UBXN7: variants seen among roughly 807,000 people sequenced by gnomAD.
UBXN7 encodes the protein UBX domain protein 7, also known as UBX domain-containing protein 7.
A neutral mutation model predicts 58.0 loss-of-function variants in UBXN7; 9 were observed. The observed-to-expected ratio is 0.16, with a 90% CI of 0.09 to 0.27. The LOEUF (loss-of-function observed/expected upper bound fraction) is 0.27. UBXN7 is among the 10% of genes least tolerant of loss of function. The pLI is 1.00. For missense variants in UBXN7, 328 were observed against 599.6 expected, an observed-to-expected ratio of 0.55 and a Z score of 4.73; for synonymous variants, 208 against 205.0, an observed-to-expected ratio of 1.01 and a Z score of -0.12.
intron 8 of UBXN7, among the ~76,000 whole-genome samples, chr3:196,365,989 A>G (rs911003896): frequency 2.6e-5 from 4 of 152,012 alleles, no homozygotes; most frequent in African/African-American, 9.7e-5. Context: ...CAGCATTAAC[A>G]TGTTACCAAA....
At chr3:196,412,087 G>A (rs551526980) in intron 1 of UBXN7, among the ~76,000 whole-genome samples, 1 of 151,678 alleles carries the variant, frequency 6.6e-6, no homozygotes, top group South Asian at 2.1e-4. Context: ...AAATCAGCCA[G>A]GCGTGGTGGC....
intron 1 of UBXN7, among the ~76,000 whole-genome samples, chr3:196,421,601 C>T (rs115090267): frequency 6.6e-6 from 1 of 151,558 alleles, no homozygotes; most frequent in Non-Finnish European, 1.5e-5. Flanking sequence ...GAAACCCCCC[C>T]CCAGTCTCTA....
At chr3:196,369,547 T>G in intron 6 of UBXN7, 36 bp from the exon 7 acceptor site, 1 of 1,533,080 alleles carries the variant, frequency 6.5e-7, no homozygotes, top group Admixed American at 1.8e-5. Context: ...AAAGTCAGCC[T>G]CTAAGAAAAG....
intron 6 of UBXN7, among the ~76,000 whole-genome samples, chr3:196,371,428 A>C (rs1463341082): frequency 6.6e-6 from 1 of 152,152 alleles, no homozygotes; most frequent in Non-Finnish European, 1.5e-5. Context: ...GCTACTGGAA[A>C]AATTTAAATT....
At chr3:196,357,491 T>C (rs780165174) in intron 10 of UBXN7, among the ~76,000 whole-genome samples, 14 of 152,046 alleles carry the variant, frequency 9.2e-5, no homozygotes, top group Non-Finnish European at 1.8e-4. Context: ...AAACAGAGGG[T>C]GTCGGGGCAC....
At chr3:196,401,836 A>AGAAGAGAAGAGAAGAGAAGC (rs1553853064) in intron 3 of UBXN7, among the ~76,000 whole-genome samples, 2 of 149,686 alleles carry the variant, frequency 1.3e-5, no homozygotes, top group African/African-American at 4.9e-5. Flanking sequence ...AGAAGAGAAG[A>AGAAGAGAAGAGAAGAGAAGC]GAAGAGAAGA....
Position 196,350,206 on chromosome 3 carries a change from C to A in UBXN7, c.*6479G>T, listed in dbSNP as rs1008459046. On this transcript the variant is annotated 3_prime_UTR_variant, in exon 11 of 11. Coordinates refer to ENST00000296328, the MANE Select transcript of UBXN7 (RefSeq NM_015562.2). ...TATTAAAGTAGTTCAAATTGGATTG[C>A]CCAACTTTATTTTGAAATCAATAGC... is the stretch of plus-strand genomic sequence containing the variant. 13 of 152,118 alleles carry A rather than the reference C, an allele frequency of 8.5e-5. No homozygotes were observed. Among genetic ancestry groups the A allele is most frequent in the Admixed American group, 8.5e-4 (13 of 15,272 alleles). 9.4% of individuals were successfully genotyped at this position (152,118 alleles called of 1,614,324 possible).
intron 1 of UBXN7, among the ~76,000 whole-genome samples, chr3:196,412,429 A>G (rs542910144): frequency 1.3e-5 from 2 of 152,212 alleles, no homozygotes; most frequent in East Asian, 3.9e-4. Context: ...AAAACAAAAA[A>G]TAACAAGTGT....
intron 5 of UBXN7, among the ~76,000 whole-genome samples, chr3:196,381,316 A>T (rs1729198936): frequency 6.6e-6 from 1 of 152,260 alleles, no homozygotes; most frequent in African/African-American, 2.4e-5. Context: ...GCAGTTCTGC[A>T]GCTTCTGCTG....
Position 196,368,027 on chromosome 3 carries a change from C to T in UBXN7, c.834+1G>A. On this transcript the variant is annotated splice_donor_variant, in intron 8 of 10. Coordinates refer to ENST00000296328, the MANE Select transcript of UBXN7 (RefSeq NM_015562.2). LOFTEE classifies it high-confidence loss of function. The stretch of plus-strand genomic sequence containing the variant: ...CATCACCACCTCCTAATTATACTTA[C>T]TGAACGGGCACATTTTTTGGGGGGA... The T allele has an allele frequency of 6.2e-7, 1 of 1,612,536 alleles. No individual in the cohort carries two copies. The highest frequency in any genetic ancestry group is 8.5e-7 in the Non-Finnish European group (1 of 1,179,492).
At chr3:196,370,710 C>T (rs1459691609) in intron 6 of UBXN7, among the ~76,000 whole-genome samples, 3 of 151,530 alleles carry the variant, frequency 2.0e-5, no homozygotes, top group African/African-American at 7.3e-5. Flanking sequence ...TTTTCTATAA[C>T]TTTTCACAAA....
At chr3:196,400,113 C>G (rs1729912269) in intron 3 of UBXN7, 1 of 151,684 alleles carries the variant, frequency 6.6e-6, no homozygotes. Flanking sequence ...AGGTTGGAAA[C>G]AGAGGTCAAA....
Position 196,348,375 on chromosome 3 carries a change from C to T in UBXN7, c.*8310G>A, listed in dbSNP as rs1440802912. 2.0e-5 allele frequency: 3 copies of T among 152,078 alleles called. No individual in the cohort carries two copies. The highest frequency in any genetic ancestry group is 4.4e-5 in the Non-Finnish European group (3 of 68,036). 9.4% of individuals were successfully genotyped at this position (152,078 alleles called of 1,614,324 possible). A position where few individuals can be genotyped will look rare whatever the true frequency, so the allele number is the denominator to read the frequency against. On this transcript the variant is annotated 3_prime_UTR_variant, in exon 11 of 11. Coordinates refer to ENST00000296328, the MANE Select transcript of UBXN7 (RefSeq NM_015562.2). ...GAGAAAAGGCCCAGAAAACAGAATT[C>T]GATGTGCATTTTAGGGAGCACTTGC...
chr3:196,395,557 G>A (rs1481744247), intron 3 of UBXN7, among the ~76,000 whole-genome samples: 6 of 151,690 alleles, frequency 4.0e-5, no homozygotes, highest in Non-Finnish European at 7.4e-5. Context: ...CCATCCTCCT[G>A]CCTTAGCCTC....
chr3:196,401,823 G>GAGAAAAGAGAAGAGAAGAGA lies in UBXN7; in HGVS notation c.289+1128_289+1129insTCTCTTCTCTTCTCTTTTCT, dbSNP rs145395839. Among the ~76,000 whole-genome samples the GAGAAAAGAGAAGAGAAGAGA allele has an allele frequency of 1.1e-3, 127 of 120,342 alleles. 1 individual carries two copies. Among genetic ancestry groups the GAGAAAAGAGAAGAGAAGAGA allele is most frequent in the African/African-American group, 3.6e-3 (117 of 32,136 alleles). The allele number at this position is 120,342 out of a possible 152,430, so 78.9% of individuals were successfully genotyped here. Reference sequence around the variant, plus strand: ...AGGAAAGAAAGAAAAGAAAAGAGAAGAGAGAAGAGAAGAGAAGAGAAGAGA... The same window carrying GAGAAAAGAGAAGAGAAGAGA: ...AGGAAAGAAAGAAAAGAAAAGAGAAGAGAAAAGAGAAGAGAAGAGAAGAGAAGAGAAGAGAAGAGAAGAGA... On this transcript the variant is annotated intron_variant, in intron 3 of 10. Coordinates refer to ENST00000296328, the MANE Select transcript of UBXN7 (RefSeq NM_015562.2).
chr3:196,416,917 C>T (rs1730503385), intron 1 of UBXN7, among the ~76,000 whole-genome samples: 1 of 152,106 alleles, frequency 6.6e-6, no homozygotes, highest in Non-Finnish European at 1.5e-5. Flanking sequence ...GTCACAAGTG[C>T]CTTTTTGGGG....
At chr3:196,416,889 G>A (rs925772535) in intron 1 of UBXN7, among the ~76,000 whole-genome samples, 1 of 152,178 alleles carries the variant, frequency 6.6e-6, no homozygotes, top group Non-Finnish European at 1.5e-5. Context: ...GAAGAAGAGG[G>A]ATGTAAGTAG....
At chr3:196,403,535 G>A (rs568631124) in intron 2 of UBXN7, among the ~76,000 whole-genome samples, 8 of 152,012 alleles carry the variant, frequency 5.3e-5, no homozygotes, top group Non-Finnish European at 1.0e-4. Context: ...AGCTCAAATG[G>A]TTTGGAAATA....
At chr3:196,363,240 A>C (rs1163094570) in intron 8 of UBXN7, among the ~76,000 whole-genome samples, 8 of 118,876 alleles carry the variant, frequency 6.7e-5, no homozygotes, top group Admixed American at 6.6e-4. Flanking sequence ...ACATACATAC[A>C]TACATACATA....
Sources: gnomAD v4.1 joint callset for allele counts (sites outside exome capture counted in the v4.1 genomes callset) on GRCh38, gnomAD v4.1.1 for gene constraint, MANE v1.5 for transcripts, NCBI Gene and HGNC (gene_info 2026-07-23, HGNC 2026-07-21) for gene names.